Variants in SRPX observed in about 807,000 individuals in gnomAD.
SRPX encodes sushi repeat containing protein X-linked.
SRPX carries 24 observed loss-of-function variants against 38.1 expected under a neutral mutation model. That is an observed-to-expected ratio of 0.63 (90% CI 0.46 to 0.89). The LOEUF is 0.89. Ranked by LOEUF, SRPX falls within the 40% of genes least tolerant of loss-of-function variation. SRPX has a pLI of 0.00. For missense variants in SRPX, 416 were observed against 377.8 expected (o/e 1.10, Z -0.84); for synonymous variants, 184 against 153.8 (o/e 1.20, Z -1.45).
intron 1 of SRPX, among the ~76,000 whole-genome samples, chrX:38,186,717 T>C (rs1938794225): frequency 1.8e-5 from 2 of 111,460 alleles, no homozygotes; most frequent in African/African-American, 6.5e-5. Flanking sequence ...CTCCAGAGAA[T>C]TGTCCTCAGC....
At chrX:38,199,203 G>A (rs867967188) in intron 1 of SRPX, among the ~76,000 whole-genome samples, 92 of 111,270 alleles carry the variant, frequency 8.3e-4, no homozygotes, top group African/African-American at 2.9e-3. Context: ...TCAGGAGATC[G>A]AGACCATCCT....
chrX:38,205,931 C>A (rs756873755), intron 1 of SRPX, among the ~76,000 whole-genome samples: 7 of 112,496 alleles, frequency 6.2e-5, no homozygotes, highest in Admixed American at 5.6e-4. Flanking sequence ...CAGTGGCCAC[C>A]GACAATTCCT....
At chrX:38,169,944 G>C (rs987952493) in intron 4 of SRPX, among the ~76,000 whole-genome samples, 4 of 112,269 alleles carry the variant, frequency 3.6e-5, no homozygotes, top group African/African-American at 1.3e-4. Context: ...TTTTCTTCCA[G>C]ATCAATGGAG....
At chrX:38,212,869 G>A (rs770278131) in intron 1 of SRPX, among the ~76,000 whole-genome samples, 1 of 111,432 alleles carries the variant, frequency 9.0e-6, no homozygotes, top group Non-Finnish European at 1.9e-5. Flanking sequence ...AAGTCCTTGA[G>A]TCTTGGGCCT....
chrX:38,170,011 C>T (rs1033592500), intron 4 of SRPX, among the ~76,000 whole-genome samples: 1 of 111,995 alleles, frequency 8.9e-6, no homozygotes, highest in Non-Finnish European at 1.9e-5. Flanking sequence ...TTTTTTTCCT[C>T]CTACATTGAC....
At chrX:38,198,663 A>G (rs1333093065) in intron 1 of SRPX, among the ~76,000 whole-genome samples, 1 of 111,633 alleles carries the variant, frequency 9.0e-6, no homozygotes, top group African/African-American at 3.3e-5. Flanking sequence ...TGGTACAAAC[A>G]TTAGGCAGGC....
At position 38,220,637 on chromosome X, in the gene SRPX, C is replaced by T. The variant is rs1939499435; in HGVS notation, c.97+59G>A. ...CTCTATCCCGAGCGAAGGGTCCCAA[C>T]GGCGACTCCGGGGGTCTTTGGTGCC... On this transcript the variant is annotated intron_variant, in intron 1 of 9. Coordinates refer to ENST00000378533, the MANE Select transcript of SRPX (RefSeq NM_006307.5). 10 of 1,171,493 alleles carry T rather than the reference C, an allele frequency of 8.5e-6. No homozygotes were observed. In the South Asian group the frequency reaches 1.5e-4, roughly 18 times the overall value.
chrX:38,217,648 G>A (rs1047238093), intron 1 of SRPX, among the ~76,000 whole-genome samples: 5 of 111,851 alleles, frequency 4.5e-5, no homozygotes, highest in African/African-American at 1.6e-4. Context: ...AAAGTCAATG[G>A]ACTTAAAAGA....
At chrX:38,184,238 T>C (rs896108351) in intron 1 of SRPX, among the ~76,000 whole-genome samples, 1 of 111,902 alleles carries the variant, frequency 8.9e-6, no homozygotes, top group Admixed American at 9.5e-5. Context: ...CATAGTTCTT[T>C]ATTGATTATG....
chrX:38,194,863 G>GT (rs35179239), intron 1 of SRPX, among the ~76,000 whole-genome samples: 2,547 of 53,646 alleles, frequency 0.047, 329 homozygotes, highest in African/African-American at 0.14. Flanking sequence ...TTTGTTTTTG[G>GT]TTTTTTTTTT....
At chrX:38,190,915 G>T (rs1367656058) in intron 1 of SRPX, among the ~76,000 whole-genome samples, 1 of 111,593 alleles carries the variant, frequency 9.0e-6, no homozygotes, top group Non-Finnish European at 1.9e-5. Flanking sequence ...CCAATTACAT[G>T]AACCAATGAG....
At chrX:38,161,450 G>A (rs1938259990) in intron 5 of SRPX, among the ~76,000 whole-genome samples, 1 of 103,722 alleles carries the variant, frequency 9.6e-6, no homozygotes, top group Non-Finnish European at 2.0e-5. Context: ...AAAATCATTA[G>A]AGAATATAGT....
chrX:38,161,487 T>C (rs1407894090), intron 5 of SRPX, among the ~76,000 whole-genome samples: 4 of 54,862 alleles, frequency 7.3e-5, no homozygotes, highest in Non-Finnish European at 9.7e-5. Context: ...AATTTGGGCC[T>C]GCGGGGCGGG....
At chrX:38,214,857 C>T (rs1939399972) in intron 1 of SRPX, among the ~76,000 whole-genome samples, 1 of 111,911 alleles carries the variant, frequency 8.9e-6, no homozygotes, top group Admixed American at 9.5e-5. Flanking sequence ...AATCTTGGAT[C>T]ACTGGGATTG....
intron 1 of SRPX, among the ~76,000 whole-genome samples, chrX:38,191,652 T>C (rs1300660631): frequency 8.9e-6 from 1 of 111,741 alleles, no homozygotes; most frequent in African/African-American, 3.3e-5. Context: ...ATCAATGGAA[T>C]GGCATAGTTT....
chrX:38,195,689 A>G (rs192919552), intron 1 of SRPX, among the ~76,000 whole-genome samples: 22 of 111,912 alleles, frequency 2.0e-4, no homozygotes, highest in East Asian at 5.6e-4. Context: ...GAGAGTCCCA[A>G]TGAAAACTCA....
intron 5 of SRPX, 117 bp from the exon 6 acceptor site, chrX:38,161,171 T>C (rs1278407729): frequency 1.3e-6 from 1 of 795,997 alleles, no homozygotes; most frequent in East Asian, 3.5e-5. Flanking sequence ...TAGACCAGTT[T>C]AAATAAAACA....
intron 1 of SRPX, among the ~76,000 whole-genome samples, chrX:38,217,183 C>T (rs931372163): frequency 7.1e-5 from 8 of 112,778 alleles, no homozygotes; most frequent in South Asian, 3.6e-4. Context: ...AGACATAGCA[C>T]GGCCCCTGCC....
At chrX:38,165,615 A>G (rs1938352175) in intron 4 of SRPX, among the ~76,000 whole-genome samples, 1 of 112,410 alleles carries the variant, frequency 8.9e-6, no homozygotes, top group Admixed American at 9.4e-5. Flanking sequence ...TGATTTATTT[A>G]AGACCACACA....
Sources: gnomAD v4.1 joint callset for allele counts (sites outside exome capture counted in the v4.1 genomes callset) on GRCh38, gnomAD v4.1.1 for gene constraint, MANE v1.5 for transcripts, NCBI Gene and HGNC (gene_info 2026-07-23, HGNC 2026-07-21) for gene names.